AKAP13: variants seen among roughly 807,000 people sequenced by gnomAD.
AKAP13 encodes the protein A-kinase anchor protein 13.
Under a neutral mutation model 264.5 loss-of-function variants are expected in AKAP13, and 80 were observed. The observed-to-expected ratio is 0.30, with a 90% confidence interval of 0.25 to 0.36. The LOEUF (loss-of-function observed/expected upper bound fraction) is 0.36, where lower values mean the gene tolerates loss of function less well. Ranked by LOEUF, AKAP13 falls within the 10% of genes least tolerant of loss-of-function variation. The pLI is 1.00. For missense variants in AKAP13, 3,712 were observed against 3,435.2 expected (o/e 1.08, Z -2.01); for synonymous variants, 1,380 against 1,250.2 (o/e 1.10, Z -2.19).
chr15:85,710,321 G>A (rs527768514), intron 18 of AKAP13: 17 of 352,694 alleles, frequency 4.8e-5, no homozygotes, highest in African/African-American at 6.2e-5. Flanking sequence ...CCCTTAAATC[G>A]TCTTAAAGGG....
chr15:85,589,664 C>T (rs192361434), intron 8 of AKAP13, among the ~76,000 whole-genome samples: 3 of 145,130 alleles, frequency 2.1e-5, no homozygotes, highest in Admixed American at 6.9e-5. Context: ...GAGCCGAGAT[C>T]GCACCACTGC....
At chr15:85,595,178 C>T (rs926159691) in intron 8 of AKAP13, among the ~76,000 whole-genome samples, 9 of 152,124 alleles carry the variant, frequency 5.9e-5, no homozygotes, top group African/African-American at 2.2e-4. Context: ...TAGCTCACTG[C>T]AGCCTCAACT....
chr15:85,630,778 A>C (rs1185257703), intron 8 of AKAP13, among the ~76,000 whole-genome samples: 1 of 152,352 alleles, frequency 6.6e-6, no homozygotes, highest in Non-Finnish European at 1.5e-5. Context: ...AGCTACAATA[A>C]GAAAGATAAC....
Position 85,581,376 on chromosome 15 carries a change from C to A in AKAP13, c.3308C>A (p.Pro1103His). 6 of 1,614,074 alleles carry A rather than the reference C, an allele frequency of 3.7e-6. No homozygotes were observed. The highest frequency in any genetic ancestry group is 5.1e-6 in the Non-Finnish European group (6 of 1,180,022). Residue 1103 changes from proline to histidine, a missense_variant, in exon 7 of 37, where the codon CCC becomes CAC. By Grantham distance (77) the Pro-to-His change is moderately conservative (BLOSUM62 -2). Around this residue, in one of 3 missense-constraint regions of AKAP13, gnomAD observed 2,759 missense variants for 2,411.7 expected, o/e 1.14. Coordinates refer to ENST00000394518, the MANE Select transcript of AKAP13 (RefSeq NM_007200.5). ...AATGCTCTACAAGGTATGGCTGAGC[C>A]CAGAAGAGAGAATATATCACACAAC... ...GVNALQGMAE[P>H]RRENISHNTQ...
At chr15:85,501,657 AT>A (rs916140356) in intron 2 of AKAP13, among the ~76,000 whole-genome samples, 16 of 152,096 alleles carry the variant, frequency 1.1e-4, no homozygotes, top group African/African-American at 2.9e-4. Flanking sequence ...TGAGATAACT[AT>A]TTTTTTTCTA....
intron 16 of AKAP13, among the ~76,000 whole-genome samples, chr15:85,686,979 A>G (rs1260625300): frequency 2.0e-5 from 3 of 152,210 alleles, no homozygotes; most frequent in African/African-American, 7.2e-5. Flanking sequence ...TGGAAGACCA[A>G]TAAATAAGTG....
At position 85,604,595 on chromosome 15, in the gene AKAP13, C is replaced by G. The variant is rs533826317; in HGVS notation, c.4161+18772C>G. On this transcript the variant is annotated intron_variant, in intron 8 of 36. Transcript: ENST00000394518. ...TCTCCTGCCTCAGCCTCCCAAGTAG[C>G]TAGGATTACAGGCACCTGCCACCAC... 2.0e-5 allele frequency among the ~76,000 whole-genome samples: 3 copies of G among 152,046 alleles called. No individual in the cohort carries two copies. The South Asian group carries it at 6.2e-4, about 32-fold the overall frequency.
At chr15:85,481,879 AT>A (rs1459493740) in intron 1 of AKAP13, among the ~76,000 whole-genome samples, 1 of 152,136 alleles carries the variant, frequency 6.6e-6, no homozygotes, top group African/African-American at 2.4e-5. Flanking sequence ...AAGAAGTAGG[AT>A]TTTCTCTCTT....
At chr15:85,623,073 A>G (rs1034289437) in intron 8 of AKAP13, among the ~76,000 whole-genome samples, 1 of 152,194 alleles carries the variant, frequency 6.6e-6, no homozygotes, top group African/African-American at 2.4e-5. Flanking sequence ...TATTTCTACA[A>G]AATTATTTCT....
intron 3 of AKAP13, among the ~76,000 whole-genome samples, chr15:85,528,217 C>T (rs1367353875): frequency 6.6e-6 from 1 of 152,208 alleles, no homozygotes; most frequent in African/African-American, 2.4e-5. Flanking sequence ...ACACACACCT[C>T]CTGACCTGCC....
intron 1 of AKAP13, among the ~76,000 whole-genome samples, chr15:85,393,832 A>G (rs2070984314): frequency 6.6e-6 from 1 of 152,158 alleles, no homozygotes; most frequent in Non-Finnish European, 1.5e-5. Context: ...CTTTGATGTA[A>G]TTATATCCAA....
chr15:85,478,858 T>C (rs1428253768), intron 1 of AKAP13, among the ~76,000 whole-genome samples: 1 of 149,554 alleles, frequency 6.7e-6, no homozygotes, highest in Non-Finnish European at 1.5e-5. Context: ...TTTCCCGAAG[T>C]GTGGGTCATG....
At chr15:85,669,121 A>T (rs546462271) in intron 13 of AKAP13, among the ~76,000 whole-genome samples, 1 of 152,278 alleles carries the variant, frequency 6.6e-6, no homozygotes, top group East Asian at 1.9e-4. Context: ...CTGTAATCCC[A>T]GCTACTCAGG....
intron 1 of AKAP13, among the ~76,000 whole-genome samples, chr15:85,473,570 C>T (rs920564406): frequency 6.6e-6 from 1 of 152,194 alleles, no homozygotes; most frequent in African/African-American, 2.4e-5. Flanking sequence ...GATTAGTCAT[C>T]GTTAGAAGAT....
chr15:85,593,345 C>T (rs1353438051), intron 8 of AKAP13, among the ~76,000 whole-genome samples: 1 of 151,882 alleles, frequency 6.6e-6, no homozygotes, highest in East Asian at 1.9e-4. Context: ...AAACAGAAAA[C>T]CAAAAACAAA....
intron 8 of AKAP13, among the ~76,000 whole-genome samples, chr15:85,590,809 C>G (rs963031152): frequency 6.6e-6 from 1 of 152,130 alleles, no homozygotes; most frequent in Non-Finnish European, 1.5e-5. Flanking sequence ...TTCAGATTAC[C>G]TTTCGTTGTC....
chr15:85,596,381 G>A (rs2079826940), intron 8 of AKAP13, among the ~76,000 whole-genome samples: 1 of 152,074 alleles, frequency 6.6e-6, no homozygotes, highest in Non-Finnish European at 1.5e-5. Context: ...CGAAGCAGGT[G>A]TATTGCTTGA....
intron 20 of AKAP13, 61 bp downstream of exon 20, chr15:85,715,984 A>G: frequency 6.5e-7 from 1 of 1,543,296 alleles, no homozygotes; most frequent in Non-Finnish European, 8.6e-7. Context: ...CATAATAATC[A>G]CATCATATGA....
intron 29 of AKAP13, 72 bp from the exon 30 acceptor site, chr15:85,730,441 T>G: frequency 6.7e-7 from 1 of 1,498,504 alleles, no homozygotes; most frequent in East Asian, 2.3e-5. Flanking sequence ...CACAAGGTGG[T>G]GCTCGTGTCT....
Sources: allele counts gnomAD v4.1 joint callset (sites outside exome capture counted in the v4.1 genomes callset), GRCh38; gene constraint gnomAD v4.1.1; regional missense constraint gnomAD v4.1.1; transcripts MANE v1.5; gene names NCBI Gene and HGNC (gene_info 2026-07-23, HGNC 2026-07-21).